RBPJ: variants seen among roughly 807,000 people sequenced by gnomAD.
RBPJ encodes the protein recombination signal binding protein for immunoglobulin kappa J region.
RBPJ carries 9 observed loss-of-function variants against 67.8 expected under a neutral mutation model. The observed-to-expected ratio is 0.13, with a 90% CI of 0.08 to 0.23. The LOEUF (loss-of-function observed/expected upper bound fraction) is 0.23. RBPJ is among the 10% of genes least tolerant of loss of function. The pLI is 1.00. For synonymous variants in RBPJ, 198 were observed against 203.3 expected (o/e 0.97, Z 0.22); for missense variants, 305 against 595.6 (o/e 0.51, Z 5.08).
chr4:26,185,471 A>C (rs945746835), intron 1 of RBPJ, among the ~76,000 whole-genome samples: 4 of 152,214 alleles, frequency 2.6e-5, no homozygotes, highest in Non-Finnish European at 5.9e-5. Context: ...CAAACATCTG[A>C]AACTGGAATT....
upstream of RBPJ, among the ~76,000 whole-genome samples, chr4:26,162,691 C>A (rs28582577): frequency 0.5 from 75,380 of 152,078 alleles, 18,740 homozygotes; most frequent in Non-Finnish European, 0.5. Flanking sequence ...GGTGGCAAGA[C>A]CACGATGTCT....
chr4:26,347,002 TA>T (rs1474252264), intron 1 of RBPJ, among the ~76,000 whole-genome samples: 1 of 151,030 alleles, frequency 6.6e-6, no homozygotes, highest in East Asian at 1.9e-4. Flanking sequence ...AAAAAAAAAA[TA>T]AAAAATAAAA....
At chr4:26,308,765 A>C (rs1387200570) in intron 1 of RBPJ, among the ~76,000 whole-genome samples, 1 of 152,212 alleles carries the variant, frequency 6.6e-6, no homozygotes, top group African/African-American at 2.4e-5. Context: ...GTTGATGCTT[A>C]TCATTACACT....
At chr4:26,133,504 C>A in the RBPJ span, among the ~76,000 whole-genome samples, 1 of 152,188 alleles carries the variant, frequency 6.6e-6, no homozygotes, top group South Asian at 2.1e-4. Context: ...AGGCTGCAGA[C>A]CCATATGGTC....
intron 1 of RBPJ, among the ~76,000 whole-genome samples, chr4:26,313,407 C>T (rs962014388): frequency 4.6e-5 from 7 of 152,080 alleles, no homozygotes; most frequent in Non-Finnish European, 1.0e-4. Flanking sequence ...GTGGCTCACA[C>T]CTGTAATCCC....
chr4:26,217,662 A>G (rs1718763420), intron 1 of RBPJ, among the ~76,000 whole-genome samples: 2 of 152,184 alleles, frequency 1.3e-5, no homozygotes, highest in South Asian at 4.1e-4. Context: ...TGCACTCAAT[A>G]TAAAACCCAA....
At chr4:26,385,411 G>C (rs1359196907) in intron 1 of RBPJ, among the ~76,000 whole-genome samples, 2 of 152,120 alleles carry the variant, frequency 1.3e-5, no homozygotes. Context: ...TTACAGATGA[G>C]GAAACAGGTC....
intron 1 of RBPJ, among the ~76,000 whole-genome samples, chr4:26,171,518 G>A (rs1408641129): frequency 1.3e-5 from 2 of 152,320 alleles, no homozygotes; most frequent in South Asian, 2.1e-4. Context: ...GCAGTGAGCC[G>A]TGATTGTGCA....
the RBPJ span, among the ~76,000 whole-genome samples, chr4:26,129,656 T>C: frequency 6.6e-6 from 1 of 152,174 alleles, no homozygotes; most frequent in Admixed American, 6.6e-5. Flanking sequence ...CGGGGTTACC[T>C]ATCAATCTCC....
At chr4:26,300,554 T>C (rs1462468592) in intron 1 of RBPJ, among the ~76,000 whole-genome samples, 4 of 152,252 alleles carry the variant, frequency 2.6e-5, no homozygotes, top group African/African-American at 9.6e-5. Context: ...AGGAATTTAC[T>C]ATTCAGAGGG....
rs187856247 is a variant in RBPJ, at chr4:26,373,389, T to C, written c.21-12964T>C. Among the ~76,000 whole-genome samples the C allele has an allele frequency of 1.0e-3, 157 of 152,360 alleles. 3 individuals are homozygous for C. In the East Asian group the frequency reaches 0.025, roughly 24 times the overall value. On this transcript the variant is annotated intron_variant, in intron 1 of 10. Transcript: ENST00000355476. ...CCTTATAAACCTGACTGATGGTCTT[T>C]CCTTTGTGCATTAGGCCTTATTCTG...
At position 26,405,250 on chromosome 4, in the gene RBPJ, C is replaced by G. The variant is rs551891161; in HGVS notation, c.60-925C>G. 1.3e-5 allele frequency among the ~76,000 whole-genome samples: 2 copies of G among 152,232 alleles called. 1 individual carries two copies. Among genetic ancestry groups the G allele is most frequent in the South Asian group, 4.2e-4 (2 of 4,818 alleles). ...GTGTAAGTGCTGTAAACCTAGAAGT[C>G]CTCACATTTAATAACGTATTACTAT... On this transcript the variant is annotated intron_variant, in intron 2 of 10. Coordinates refer to ENST00000355476, the MANE Select transcript of RBPJ (RefSeq NM_015874.6).
chr4:26,412,735 A>T (rs1188672343), intron 3 of RBPJ, among the ~76,000 whole-genome samples: 1 of 152,238 alleles, frequency 6.6e-6, no homozygotes, highest in Non-Finnish European at 1.5e-5. Flanking sequence ...TCAATTAAAA[A>T]AAACAGGAGA....
At chr4:26,159,523 G>A (rs1286056426), upstream of RBPJ, among the ~76,000 whole-genome samples, 1 of 152,146 alleles carries the variant, frequency 6.6e-6, no homozygotes, top group East Asian at 1.9e-4. Flanking sequence ...CTATCTCTGT[G>A]AGAAAATTTC....
intron 1 of RBPJ, among the ~76,000 whole-genome samples, chr4:26,183,926 C>T (rs569236639): frequency 9.2e-5 from 14 of 152,060 alleles, no homozygotes; most frequent in East Asian, 3.9e-4. Flanking sequence ...GCAGGAGAAT[C>T]GCTTGAACCC....
At chr4:26,220,608 C>T (rs2109190272) in intron 1 of RBPJ, among the ~76,000 whole-genome samples, 1 of 152,294 alleles carries the variant, frequency 6.6e-6, no homozygotes, top group South Asian at 2.1e-4. Context: ...CCCTGGGTCC[C>T]ACTCATAAAG....
intron 1 of RBPJ, among the ~76,000 whole-genome samples, chr4:26,342,565 A>G (rs973009327): frequency 1.3e-5 from 2 of 152,166 alleles, no homozygotes; most frequent in Non-Finnish European, 2.9e-5. Context: ...TAGTCATCTG[A>G]CAACACATGA....
intron 1 of RBPJ, among the ~76,000 whole-genome samples, chr4:26,270,437 G>GAAAGAAAGAAAGAAGA (rs757127437): frequency 4.8e-3 from 143 of 30,082 alleles, no homozygotes; most frequent in Non-Finnish European, 0.01. Flanking sequence ...AAGAAAGAAA[G>GAAAGAAAGAAAGAAGA]AAGAAAGAAA....
intron 1 of RBPJ, among the ~76,000 whole-genome samples, chr4:26,313,115 G>T (rs1022183356): frequency 2.0e-5 from 3 of 152,176 alleles, no homozygotes; most frequent in African/African-American, 7.2e-5. Flanking sequence ...TTGAGACAGA[G>T]TCTCACTATA....
Sources: gnomAD v4.1 joint callset for allele counts (sites outside exome capture counted in the v4.1 genomes callset) on GRCh38, gnomAD v4.1.1 for gene constraint, MANE v1.5 for transcripts, NCBI Gene and HGNC (gene_info 2026-07-23, HGNC 2026-07-21) for gene names.